Variants in IREB2 observed in about 807,000 individuals in gnomAD.
IREB2 encodes the protein iron responsive element binding protein 2.
Under a neutral mutation model 118.8 loss-of-function variants are expected in IREB2, and 39 were observed. The observed-to-expected ratio is 0.33, with a 90% confidence interval of 0.25 to 0.43. The LOEUF (loss-of-function observed/expected upper bound fraction) is 0.43. IREB2 is among the 20% of genes least tolerant of loss of function. The pLI is 1.00. For synonymous variants in IREB2, 372 were observed against 392.2 expected (o/e 0.95, Z 0.61); for missense variants, 900 against 1,147.3 (o/e 0.78, Z 3.11).
At chr15:78,449,458 T>TG (rs2050987198) in intron 2 of IREB2, among the ~76,000 whole-genome samples, 2 of 152,294 alleles carry the variant, frequency 1.3e-5, no homozygotes, top group Non-Finnish European at 2.9e-5. Flanking sequence ...TGCTGGGAAT[T>TG]GTGTGGCAAA....
chr15:78,468,073 C>CG (rs2051314629), intron 5 of IREB2, among the ~76,000 whole-genome samples: 1 of 152,090 alleles, frequency 6.6e-6, no homozygotes, highest in Non-Finnish European at 1.5e-5. Context: ...AGACTGGTCT[C>CG]GAACTCCTGG....
chr15:78,490,353 T>A, intron 16 of IREB2, 69 bp from the exon 17 acceptor site: 1 of 973,030 alleles, frequency 1.0e-6, no homozygotes, highest in Non-Finnish European at 1.6e-6. Flanking sequence ...CCTTGATCAT[T>A]TTCATGCGCC....
chr15:78,439,258 G>T (rs926286799), intron 1 of IREB2, among the ~76,000 whole-genome samples: 2 of 151,920 alleles, frequency 1.3e-5, no homozygotes, highest in African/African-American at 4.8e-5. Context: ...CTAAGCCCTG[G>T]TAAGGACTTA....
At chr15:78,474,795 C>T (rs375672601) in intron 8 of IREB2, 3 of 151,946 alleles carry the variant, frequency 2.0e-5, no homozygotes, top group Admixed American at 2.0e-4. Context: ...GTGGCTCACG[C>T]CTGTAATCCC....
At position 78,447,780 on chromosome 15, in the gene IREB2, C is replaced by G. The variant is rs535768411; in HGVS notation, c.106+7899C>G. Among the ~76,000 whole-genome samples, 3 of 152,202 alleles carry G rather than the reference C, an allele frequency of 2.0e-5. No homozygotes were observed. In the South Asian group the frequency reaches 6.2e-4, roughly 32 times the overall value. On this transcript the variant is annotated intron_variant, in intron 2 of 21. Transcript: ENST00000258886. ...TTCTGCTTTTCTTTTTCTCTTGGTT[C>G]TTTTTTGTTTCCATCTGTTTTCTGC...
chr15:78,473,110 A>G (rs2051406983), intron 7 of IREB2, 132 bp from the exon 8 acceptor site: 4 of 793,952 alleles, frequency 5.0e-6, no homozygotes, highest in South Asian at 4.0e-5. Context: ...CAGTGTCCAC[A>G]TTAATAGCAA....
chr15:78,496,455 A>G (rs956590508), intron 20 of IREB2, among the ~76,000 whole-genome samples: 4 of 152,122 alleles, frequency 2.6e-5, no homozygotes, highest in African/African-American at 4.8e-5. Flanking sequence ...TTAGATAGAG[A>G]TGGAGTTTCA....
intron 18 of IREB2, 96 bp from the exon 19 acceptor site, chr15:78,493,813 C>T: frequency 8.9e-7 from 1 of 1,129,548 alleles, no homozygotes; most frequent in Non-Finnish European, 1.3e-6. Flanking sequence ...TTGAAATTTT[C>T]TGTGATAAAA....
rs187128947 is a variant in IREB2 at position 78,462,027 on chromosome 15, T to A, written c.107-895T>A. Among the ~76,000 whole-genome samples the A allele has an allele frequency of 7.9e-3, 1,199 of 152,306 alleles. 17 individuals are homozygous for A. Among genetic ancestry groups the A allele is most frequent in the African/African-American group, 0.027 (1,132 of 41,586 alleles). ...TAAAATATGCATGCTAATATATTTT[T>A]AAAATTATATTTCTCATAATACACA... On this transcript the variant is annotated intron_variant, in intron 2 of 21. Transcript: ENST00000258886.
rs1043169213 is a variant in IREB2 at position 78,497,416 on chromosome 15, G to A, written c.2781+105G>A. The stretch of plus-strand genomic sequence containing the variant: ...TATATACTAATGTCACTTAATGAAT[G>A]TTAAGTTGCCATTTAAGATGACTCT... On this transcript the variant is annotated intron_variant, in intron 21 of 21. Coordinates refer to ENST00000258886, the MANE Select transcript of IREB2 (RefSeq NM_004136.4). 10 of 807,896 alleles carry A rather than the reference G, an allele frequency of 1.2e-5. No homozygotes were observed. The African/African-American group carries it at 1.7e-4, about 14-fold the overall frequency. 50.0% of individuals were successfully genotyped at this position (807,896 alleles called of 1,614,324 possible). A position where few individuals can be genotyped will look rare whatever the true frequency, so the allele number is the denominator to read the frequency against.
chr15:78,495,638 A>G (rs1158655616), intron 20 of IREB2, among the ~76,000 whole-genome samples: 3 of 152,200 alleles, frequency 2.0e-5, no homozygotes, highest in Admixed American at 6.5e-5. Context: ...CCCTGTGCCC[A>G]GTGTTTGTCA....
At chr15:78,486,875 G>T (rs2051669983) in intron 13 of IREB2, among the ~76,000 whole-genome samples, 1 of 151,996 alleles carries the variant, frequency 6.6e-6, no homozygotes, top group Non-Finnish European at 1.5e-5. Flanking sequence ...TCACTGTGTT[G>T]GCCAGGCTCG....
At chr15:78,447,840 C>G (rs141012144) in intron 2 of IREB2, among the ~76,000 whole-genome samples, 1 of 152,170 alleles carries the variant, frequency 6.6e-6, no homozygotes, top group South Asian at 2.1e-4. Context: ...TATCACAGAA[C>G]GAGGCTGAGG....
At chr15:78,450,358 G>A (rs1256289824) in intron 2 of IREB2, among the ~76,000 whole-genome samples, 2 of 152,218 alleles carry the variant, frequency 1.3e-5, no homozygotes, top group Non-Finnish European at 1.5e-5. Flanking sequence ...TAATACTGTA[G>A]GGCTAAGGGA....
intron 2 of IREB2, among the ~76,000 whole-genome samples, chr15:78,447,601 G>C (rs1010563494): frequency 3.3e-5 from 5 of 152,036 alleles, no homozygotes; most frequent in African/African-American, 1.2e-4. Flanking sequence ...AAAGTGCTGG[G>C]AGTACAGGCG....
intron 1 of IREB2, among the ~76,000 whole-genome samples, chr15:78,439,379 GTC>G (rs950775759): frequency 3.3e-5 from 5 of 151,526 alleles, no homozygotes; most frequent in African/African-American, 9.7e-5. Flanking sequence ...ACAAATTCCT[GTC>G]TCTGCAGTTT....
At position 78,439,782 on chromosome 15, in the gene IREB2, AT is replaced by A. The variant is rs533778908; in HGVS notation, c.20-4del. The stretch of plus-strand genomic sequence containing the variant: ...TGTTGCTGCATTTAATGAAAATACA[AT>A]TTTTTTTTCAGGATACGCCTTTGAG... On this transcript the variant is annotated splice_polypyrimidine_tract_variant and intron_variant, in intron 1 of 21. Transcript: ENST00000258886. 1.4e-4 allele frequency: 209 copies of A among 1,448,070 alleles called. No individual in the cohort carries two copies. The highest frequency in any genetic ancestry group is 3.6e-4 in the Middle Eastern group (2 of 5,592). The allele number at this position is 1,448,070 out of a possible 1,614,324, so 89.7% of individuals were successfully genotyped here. A position where few individuals can be genotyped will look rare whatever the true frequency, so the allele number is the denominator to read the frequency against.
chr15:78,453,660 A>G (rs983231117), intron 2 of IREB2, among the ~76,000 whole-genome samples: 6 of 152,232 alleles, frequency 3.9e-5, no homozygotes, highest in Non-Finnish European at 8.8e-5. Context: ...GGGTGAATCC[A>G]GAGGCAGCAA....
chr15:78,467,230 C>T (rs1027466526), intron 5 of IREB2, among the ~76,000 whole-genome samples: 3 of 150,020 alleles, frequency 2.0e-5, no homozygotes, highest in Non-Finnish European at 4.4e-5. Context: ...AAAAAAGAGC[C>T]GTATGTTAAC....
Sources: allele counts gnomAD v4.1 joint callset (sites outside exome capture counted in the v4.1 genomes callset), GRCh38; gene constraint gnomAD v4.1.1; transcripts MANE v1.5; gene names NCBI Gene and HGNC (gene_info 2026-07-23, HGNC 2026-07-21).